The following MKS1 variants were observed in gnomAD, a reference collection of about 807,000 sequenced individuals.
MKS1 encodes tectonic-like complex member MKS1.
In MKS1, 70 loss-of-function variants were observed where a neutral mutation model predicts 83.7. The ratio of observed to expected loss-of-function variants is 0.84; its 90% CI spans 0.69 to 1.02. The LOEUF is 1.02. MKS1 is among the 50% of genes least tolerant of loss of function. The probability of loss-of-function intolerance (pLI) is 0.00; values close to 1 mark genes in which losing one functional copy is unlikely to be tolerated. For missense variants in MKS1, 681 were observed against 726.9 expected, an observed-to-expected ratio of 0.94 and a Z score of 0.73; for synonymous variants, 251 against 273.4, an observed-to-expected ratio of 0.92 and a Z score of 0.81.
rs1023826519 is a variant in MKS1 at position 58,207,287 on chromosome 17, C to T, written c.1274-69G>A. On this transcript the variant is annotated intron_variant, in intron 14 of 17. Transcript: ENST00000393119. ...ATGTGGCCCCTCACTGACTCCCCAG[C>T]AATGACACAGGCCTAGACTCAGCTA... is the stretch of plus-strand genomic sequence containing the variant. The T allele has an allele frequency of 3.2e-5, 52 of 1,603,304 alleles. No individual in the cohort carries two copies. In the African/African-American group the frequency reaches 4.9e-4, roughly 15 times the overall value.
chr17:58,213,944 C>T (rs143940017), intron 6 of MKS1, 75 bp from the exon 7 acceptor site: 5 of 1,269,988 alleles, frequency 3.9e-6, no homozygotes, highest in African/African-American at 1.5e-5. Flanking sequence ...GAGCCCACTG[C>T]AGGGGAGAGA....
At chr17:58,218,047 T>C (rs989241021) in intron 2 of MKS1, among the ~76,000 whole-genome samples, 2 of 152,238 alleles carry the variant, frequency 1.3e-5, no homozygotes, top group Non-Finnish European at 2.9e-5. Flanking sequence ...AGTTGATCTA[T>C]ACATGCACAT....
Position 58,216,574 on chromosome 17 carries a change from C to G in MKS1, c.261+92G>C. On this transcript the variant is annotated intron_variant, in intron 3 of 17. Transcript: ENST00000393119. ...AGGGGAAAGTATAAACTGTTACAAC[C>G]TGTCTGGAAATCACTTTGGCAATAT... 8 of 1,372,170 alleles carry G rather than the reference C, an allele frequency of 5.8e-6. No homozygotes were observed. In the South Asian group the frequency reaches 9.5e-5, roughly 16 times the overall value. 85.0% of individuals were successfully genotyped at this position (1,372,170 alleles called of 1,614,324 possible).
intron 13 of MKS1, 21 bp downstream of exon 13, chr17:58,208,084 A>G: frequency 1.2e-6 from 2 of 1,611,182 alleles, no homozygotes; most frequent in African/African-American, 2.7e-5. Context: ...AAGGCCCAGG[A>G]TCAACTGCTG....
chr17:58,213,521 T>TCA (rs1969006861), intron 7 of MKS1, among the ~76,000 whole-genome samples: 1 of 152,246 alleles, frequency 6.6e-6, no homozygotes, highest in Non-Finnish European at 1.5e-5. Flanking sequence ...GCACAGAGAA[T>TCA]CACTGTCATT....
At chr17:58,219,067 G>C in intron 1 of MKS1, 84 bp downstream of exon 1, 1 of 1,510,942 alleles carries the variant, frequency 6.6e-7, no homozygotes, top group South Asian at 1.2e-5. Context: ...AGCAGAAAGT[G>C]GGGACCTCAG....
Position 58,205,639 on chromosome 17 carries a change from G to A in MKS1, c.*440C>T, listed in dbSNP as rs867778575. 2.3e-6 allele frequency: 3 copies of A among 1,307,370 alleles called. No homozygotes were observed. Among genetic ancestry groups the A allele is most frequent in the South Asian group, 2.5e-5 (2 of 81,062 alleles). The allele number at this position is 1,307,370 out of a possible 1,614,324, so 81.0% of individuals were successfully genotyped here. On this transcript the variant is annotated 3_prime_UTR_variant, in exon 18 of 18. Transcript: ENST00000393119. Reference sequence around the variant, plus strand: ...CCCTGGAAAGAGGCTGAGACTCACAGGCTGGGGATTTAAGACCCTCTCACC... The same window carrying A: ...CCCTGGAAAGAGGCTGAGACTCACAAGCTGGGGATTTAAGACCCTCTCACC...
chr17:58,212,786 CAAAT>C (rs1567801348), intron 8 of MKS1, among the ~76,000 whole-genome samples, 192 bp downstream of exon 8: 2 of 151,230 alleles, frequency 1.3e-5, no homozygotes, highest in African/African-American at 4.9e-5. Flanking sequence ...GGTAAATGCT[CAAAT>C]AAATGGTTAT....
At position 58,206,158 on chromosome 17, in the gene MKS1, C is replaced by G; in HGVS notation, c.1601G>C (p.Arg534Pro). 5.0e-6 allele frequency: 8 copies of G among 1,613,714 alleles called. No individual in the cohort carries two copies. The highest frequency in any genetic ancestry group is 6.8e-6 in the Non-Finnish European group (8 of 1,179,942). The change falls in exon 18 of 18, where the codon CGA becomes CCA. Residue 534 changes from arginine (R) to proline (P), a missense_variant. Arg to Pro is a moderately radical substitution (Grantham distance 103, BLOSUM62 -2). Coordinates refer to ENST00000393119, the MANE Select transcript of MKS1 (RefSeq NM_017777.4). ...GGCCTCCTGCATGCGGCGCCGGGCT[C>G]GACGGAAGGCCTCTGTAAGGAAAGG... is the stretch of plus-strand genomic sequence containing the variant. ...SIHNVLEAFR[R>P]ARRRMQEARE...
chr17:58,212,549 TA>T, intron 8 of MKS1, 115 bp from the exon 9 acceptor site: 1 of 1,143,092 alleles, frequency 8.7e-7, no homozygotes, highest in Non-Finnish European at 1.3e-6. Context: ...GCTGGAGGCG[TA>T]AGCACCTGAC....
rs991364235 is a variant in MKS1 at position 58,210,709 on chromosome 17, T to C, written c.974A>G (p.Tyr325Cys). The part of the protein sequence containing the change: ...VNGEVVSAQG[Y>C]EYDNLYVHFF... Reference sequence around the variant, plus strand: ...GTGGACGTAGAGATTGTCATACTCATAGCCTTGGGCTGAAACTACGAGAGA... The same window carrying C: ...GTGGACGTAGAGATTGTCATACTCACAGCCTTGGGCTGAAACTACGAGAGA... Residue 325 changes from tyrosine to cysteine, a missense_variant, in exon 11 of 18, where the codon TAT (tyrosine) becomes TGT (cysteine). Around this residue, in one of 3 missense-constraint regions of MKS1, gnomAD observed 310 missense variants for 321.7 expected, o/e 0.96. Coordinates refer to ENST00000393119, the MANE Select transcript of MKS1 (RefSeq NM_017777.4). The C allele has an allele frequency of 6.2e-7, 1 of 1,614,194 alleles. No individual in the cohort carries two copies. Among genetic ancestry groups the C allele is most frequent in the South Asian group, 1.1e-5 (1 of 91,092 alleles).
intron 11 of MKS1, among the ~76,000 whole-genome samples, 186 bp from the exon 12 acceptor site, chr17:58,208,769 C>T (rs904486807): frequency 2.0e-5 from 3 of 151,584 alleles, no homozygotes; most frequent in Non-Finnish European, 2.9e-5. Context: ...CAGATAAACA[C>T]GTGAACAAAG....
chr17:58,206,858 A>G, intron 15 of MKS1: 1 of 652,458 alleles, frequency 1.5e-6, no homozygotes, highest in Non-Finnish European at 2.6e-6. Context: ...GATGGGAACC[A>G]GGGGAAATCT....
Position 58,205,471 on chromosome 17 carries a change from A to C in MKS1, c.*608T>G, listed in dbSNP as rs1392862218. ...ATAAAAGGGGTTTATGTAACAAAAAACAAAAAAACAAACAAACAAAAAAAC... is the reference window on the plus strand; with the variant it reads ...ATAAAAGGGGTTTATGTAACAAAAACCAAAAAAACAAACAAACAAAAAAAC... On this transcript the variant is annotated 3_prime_UTR_variant, in exon 18 of 18. Coordinates refer to ENST00000393119, the MANE Select transcript of MKS1 (RefSeq NM_017777.4). 1.6e-5 allele frequency: 20 copies of C among 1,249,930 alleles called. 1 individual carries two copies. In the East Asian group the frequency reaches 1.7e-4, roughly 11 times the overall value. The allele number at this position is 1,249,930 out of a possible 1,614,324, so 77.4% of individuals were successfully genotyped here. A position where few individuals can be genotyped will look rare whatever the true frequency, so the allele number is the denominator to read the frequency against.
chr17:58,208,972 G>A (rs1279323713), intron 11 of MKS1, among the ~76,000 whole-genome samples: 9 of 152,136 alleles, frequency 5.9e-5, no homozygotes, highest in Admixed American at 3.3e-4. Flanking sequence ...CAGAGAGCAC[G>A]GGGTTGGGGG....
intron 11 of MKS1, among the ~76,000 whole-genome samples, chr17:58,210,152 T>C (rs1385018986): frequency 3.3e-5 from 5 of 152,168 alleles, no homozygotes; most frequent in South Asian, 4.1e-4. Flanking sequence ...TTTTTGGTCA[T>C]GTTAGACAGA....
At chr17:58,219,031 A>C (rs1036830421) in intron 1 of MKS1, 120 bp downstream of exon 1, 31 of 1,382,674 alleles carry the variant, frequency 2.2e-5, no homozygotes, top group Non-Finnish European at 3.0e-5. Flanking sequence ...AGAAGTGGGG[A>C]GCCCGGAGAA....
chr17:58,212,921 T>C, intron 8 of MKS1, 61 bp downstream of exon 8: 1 of 1,519,266 alleles, frequency 6.6e-7, no homozygotes. Flanking sequence ...AGTTCAGAAA[T>C]GGTCTCAGCT....
chr17:58,208,029 T>G (rs765198974), intron 13 of MKS1, 28 bp from the exon 14 acceptor site: 4 of 1,611,230 alleles, frequency 2.5e-6, no homozygotes, highest in Non-Finnish European at 3.4e-6. Context: ...AGCGGCCAGG[T>G]CACAGGCGGC....
Sources: gnomAD v4.1 joint callset for allele counts (sites outside exome capture counted in the v4.1 genomes callset) on GRCh38, gnomAD v4.1.1 for gene constraint, gnomAD v4.1.1 regional missense constraint, MANE v1.5 for transcripts, NCBI Gene and HGNC (gene_info 2026-07-23, HGNC 2026-07-21) for gene names.